The following RAB3GAP1 variants were observed in gnomAD, a reference collection of about 807,000 sequenced individuals.
The protein encoded by RAB3GAP1 is RAB3 GTPase activating protein catalytic subunit 1.
A neutral mutation model predicts 130.7 loss-of-function variants in RAB3GAP1; 86 were observed. The observed-to-expected ratio is 0.66, with a 90% confidence interval of 0.55 to 0.79. The LOEUF is 0.79. Ranked by LOEUF, RAB3GAP1 falls within the 30% of genes least tolerant of loss-of-function variation. RAB3GAP1 has a pLI of 0.00. For missense variants in RAB3GAP1, 1,029 were observed against 1,169.4 expected (o/e 0.88, Z 1.75); for synonymous variants, 367 against 401.7 (o/e 0.91, Z 1.03).
chr2:135,164,741 T>A, intron 23 of RAB3GAP1, 45 bp downstream of exon 23: 1 of 1,478,690 alleles, frequency 6.8e-7, no homozygotes, highest in Non-Finnish European at 9.3e-7. Context: ...TCTCCAAACC[T>A]CTACTTGGGA....
chr2:135,153,710 T>C lies in RAB3GAP1; in HGVS notation c.2123T>C (p.Ile708Thr), dbSNP rs1413834325. 10 of 1,613,910 alleles carry C rather than the reference T, an allele frequency of 6.2e-6. No individual in the cohort carries two copies. The highest frequency in any genetic ancestry group is 7.6e-6 in the Non-Finnish European group (9 of 1,179,942). The change falls in exon 19 of 24, where the codon ATT becomes ACT. Residue 708 changes from isoleucine (I) to threonine (T), a missense_variant. Coordinates refer to ENST00000264158, the MANE Select transcript of RAB3GAP1 (RefSeq NM_012233.3). The stretch of plus-strand genomic sequence containing the variant: ...AGGTGGTATTCACCCCGGGATTATA[T>C]TGAAGAGGAGGTGATTGATGAAAAG... ...FVRWYSPRDY[I>T]EEEVIDEKGN...
intron 13 of RAB3GAP1, among the ~76,000 whole-genome samples, chr2:135,131,213 T>C (rs1294009981): frequency 6.6e-6 from 1 of 152,094 alleles, no homozygotes; most frequent in Non-Finnish European, 1.5e-5. Flanking sequence ...TTAGAATTTT[T>C]TTATTTTTTA....
At chr2:135,162,878 T>C (rs755599299) in intron 21 of RAB3GAP1, 27 bp downstream of exon 21, 1 of 1,593,872 alleles carries the variant, frequency 6.3e-7, no homozygotes, top group Non-Finnish European at 8.6e-7. Context: ...GTCAGAATCT[T>C]GCCAAGTGTT....
rs147147776 is a variant in RAB3GAP1, at chr2:135,120,703, TC to T, written c.649-114del. ...ATTGTTTAACACTAGAATCTGAAAATCCAGGTTTCATAAAGGTAGTATTAAT... is the reference window on the plus strand; with the variant it reads ...ATTGTTTAACACTAGAATCTGAAAATCAGGTTTCATAAAGGTAGTATTAAT... On this transcript the variant is annotated intron_variant, in intron 7 of 23. Coordinates refer to ENST00000264158, the MANE Select transcript of RAB3GAP1 (RefSeq NM_012233.3). 2.1e-3 allele frequency: 1,679 copies of T among 802,718 alleles called. 24 individuals are homozygous for T. The East Asian group carries it at 0.032, about 15-fold the overall frequency. The allele number at this position is 802,718 out of a possible 1,614,324, so 49.7% of individuals were successfully genotyped here.
intron 23 of RAB3GAP1, chr2:135,167,803 C>G: frequency 8.6e-7 from 1 of 1,156,346 alleles, no homozygotes; most frequent in South Asian, 1.7e-5. Context: ...ACCTCTCTCA[C>G]AGTCTGGATT....
At chr2:135,059,938 A>G (rs1689119387) in intron 3 of RAB3GAP1, among the ~76,000 whole-genome samples, 1 of 152,194 alleles carries the variant, frequency 6.6e-6, no homozygotes, top group Non-Finnish European at 1.5e-5. Flanking sequence ...TGTAGAAAAC[A>G]AAGTTTAGAG....
At chr2:135,108,374 C>T (rs2104905102) in intron 5 of RAB3GAP1, among the ~76,000 whole-genome samples, 1 of 152,246 alleles carries the variant, frequency 6.6e-6, no homozygotes. Context: ...ATTAATGAAA[C>T]TCACCCTAGT....
At chr2:135,118,813 G>GT (rs1295878868) in intron 7 of RAB3GAP1, among the ~76,000 whole-genome samples, 1 of 151,998 alleles carries the variant, frequency 6.6e-6, no homozygotes, top group Non-Finnish European at 1.5e-5. Flanking sequence ...GTGGGTGAGG[G>GT]TTTTTTCCCC....
rs1057442101 is a variant in RAB3GAP1 at position 135,168,927 on chromosome 2, C to T, written c.*146C>T. The T allele has an allele frequency of 9.1e-6, 7 of 770,600 alleles. No homozygotes were observed. The African/African-American group carries it at 1.2e-4, about 13-fold the overall frequency. The allele number at this position is 770,600 out of a possible 1,614,324, so 47.7% of individuals were successfully genotyped here. A position where few individuals can be genotyped will look rare whatever the true frequency, so the allele number is the denominator to read the frequency against. ...AATCAAACCAGCATCGGAAAGACTT[C>T]CCAGCACCAAGCTTGAGCTGTGTCG... On this transcript the variant is annotated 3_prime_UTR_variant, in exon 24 of 24. Transcript: ENST00000264158.
At chr2:135,132,773 A>G (rs1325145480) in intron 13 of RAB3GAP1, 122 bp from the exon 14 acceptor site, 1 of 681,894 alleles carries the variant, frequency 1.5e-6, no homozygotes, top group Non-Finnish European at 2.7e-6. Flanking sequence ...TACAACTGGA[A>G]CATTTCTATT....
At chr2:135,075,853 A>G (rs1286643274) in intron 3 of RAB3GAP1, among the ~76,000 whole-genome samples, 1 of 150,748 alleles carries the variant, frequency 6.6e-6, no homozygotes, top group Non-Finnish European at 1.5e-5. Flanking sequence ...ATTTGAGCCC[A>G]CCAATCTCCT....
intron 2 of RAB3GAP1, 21 bp from the exon 3 acceptor site, chr2:135,057,990 A>C: frequency 1.3e-6 from 2 of 1,550,714 alleles, no homozygotes; most frequent in East Asian, 2.3e-5. Context: ...TGTATTTAGA[A>C]GCTTTCTCCC....
At chr2:135,076,350 T>C (rs1689635239) in intron 3 of RAB3GAP1, among the ~76,000 whole-genome samples, 2 of 152,234 alleles carry the variant, frequency 1.3e-5, no homozygotes, top group African/African-American at 4.8e-5. Context: ...AGCACCCATA[T>C]CCTCACTCTG....
chr2:135,147,560 A>G (rs991977400), intron 17 of RAB3GAP1, among the ~76,000 whole-genome samples: 2 of 151,880 alleles, frequency 1.3e-5, no homozygotes, highest in African/African-American at 4.8e-5. Flanking sequence ...TGTTCAGCAA[A>G]AGTTAATTTT....
intron 19 of RAB3GAP1, among the ~76,000 whole-genome samples, chr2:135,161,482 G>A (rs1692463366): frequency 6.6e-6 from 1 of 151,994 alleles, no homozygotes; most frequent in South Asian, 2.1e-4. Flanking sequence ...TATTATTTAA[G>A]GCTACATATG....
chr2:135,130,492 A>G, intron 12 of RAB3GAP1, 60 bp from the exon 13 acceptor site: 1 of 1,390,356 alleles, frequency 7.2e-7, no homozygotes, highest in Non-Finnish European at 1.0e-6. Context: ...CAATTTGTTC[A>G]TCACTTTCAC....
At chr2:135,095,864 A>G (rs1188268646) in intron 5 of RAB3GAP1, among the ~76,000 whole-genome samples, 1 of 152,192 alleles carries the variant, frequency 6.6e-6, no homozygotes, top group African/African-American at 2.4e-5. Context: ...GACAAATCAC[A>G]AGAAGAAGGG....
rs747587695 is a variant in RAB3GAP1 at position 135,162,766 on chromosome 2, C to A, written c.2405C>A (p.Ser802Tyr). Reference sequence around the variant, plus strand: ...AAAATAGAAAGTCTCGAAAACATTTCTTCAGTTAAGAAGATCATAAAGCAG... The same window carrying A: ...AAAATAGAAAGTCTCGAAAACATTTATTCAGTTAAGAAGATCATAAAGCAG... ...VKEEESLENI[S>Y]SVKKIIKQII... Residue 802 changes from serine to tyrosine, a missense_variant, in exon 21 of 24, where the codon TCT becomes TAT. This residue lies in a region of RAB3GAP1 where 373 missense variants were observed against 493.6 expected (regional missense o/e 0.76). Transcript: ENST00000264158. 3 of 1,613,356 alleles carry A rather than the reference C, an allele frequency of 1.9e-6. No individual in the cohort carries two copies. Among genetic ancestry groups the A allele is most frequent in the African/African-American group, 2.7e-5 (2 of 74,908 alleles).
At chr2:135,175,717 G>C (rs1573632373) in intron 24 of RAB3GAP1, 1 of 152,248 alleles carries the variant, frequency 6.6e-6, no homozygotes, top group Non-Finnish European at 1.5e-5. Flanking sequence ...CACTTCTCAG[G>C]ACAGAACTTG....
Sources: allele counts gnomAD v4.1 joint callset (sites outside exome capture counted in the v4.1 genomes callset), GRCh38; gene constraint gnomAD v4.1.1; regional missense constraint gnomAD v4.1.1; transcripts MANE v1.5; gene names NCBI Gene and HGNC (gene_info 2026-07-23, HGNC 2026-07-21).